THSD7B: variants seen among roughly 807,000 people sequenced by gnomAD.
THSD7B encodes thrombospondin type-1 domain-containing protein 7B.
THSD7B carries 138 observed loss-of-function variants against 213.6 expected under a neutral mutation model. That is an observed-to-expected ratio of 0.65 (90% CI 0.56 to 0.74). The LOEUF is 0.74. Among genes scored for constraint, THSD7B ranks in the 30% least tolerant of loss-of-function variants. The probability of loss-of-function intolerance (pLI) is 0.00; values close to 1 mark genes in which losing one functional copy is unlikely to be tolerated. For synonymous variants in THSD7B, 742 were observed against 687.0 expected (o/e 1.08, Z -1.25); for missense variants, 1,931 against 1,991.5 (o/e 0.97, Z 0.58).
At position 137,563,240 on chromosome 2, in the gene THSD7B, G is replaced by C; in HGVS notation, c.3158G>C (p.Cys1053Ser). Residue 1053 changes from cysteine to serine, a missense_variant, in exon 16 of 28, where the codon TGT (cysteine) becomes TCT (serine). Transcript: ENST00000409968. ...LKNQVHEAVP[C>S]YSECNQYSWV... Reference sequence around the variant, plus strand: ...TGACAGGTACATGAGGCAGTCCCATGTTACAGTGAGTGCAATCAGTATTCC... The same window carrying C: ...TGACAGGTACATGAGGCAGTCCCATCTTACAGTGAGTGCAATCAGTATTCC... 1 of 1,613,352 alleles carries C rather than the reference G, an allele frequency of 6.2e-7. No individual in the cohort carries two copies. Among genetic ancestry groups the C allele is most frequent in the Non-Finnish European group, 8.5e-7 (1 of 1,179,520 alleles).
intron 21 of THSD7B, among the ~76,000 whole-genome samples, chr2:137,650,543 G>A (rs868647802): frequency 4.6e-5 from 7 of 152,220 alleles, no homozygotes; most frequent in Admixed American, 1.3e-4. Flanking sequence ...CTAATTTGAC[G>A]TCTTCCTTTC....
At chr2:136,941,649 G>A (rs1398051758) in intron 2 of THSD7B, among the ~76,000 whole-genome samples, 1 of 152,098 alleles carries the variant, frequency 6.6e-6, no homozygotes, top group African/African-American at 2.4e-5. Flanking sequence ...CTGCATAAAT[G>A]TTTTCTTTTG....
At chr2:137,576,876 C>A (rs1449879925) in intron 17 of THSD7B, among the ~76,000 whole-genome samples, 1 of 149,170 alleles carries the variant, frequency 6.7e-6, no homozygotes, top group East Asian at 2.1e-4. Flanking sequence ...CCTGATGACT[C>A]AGTATTTTCA....
chr2:137,054,639 G>T (rs1449846494), intron 2 of THSD7B, among the ~76,000 whole-genome samples: 1 of 152,302 alleles, frequency 6.6e-6, no homozygotes, highest in Non-Finnish European at 1.5e-5. Context: ...ATCATTTGGG[G>T]AAGCTGGTCA....
At chr2:137,362,688 A>C (rs1054102852) in intron 12 of THSD7B, among the ~76,000 whole-genome samples, 33 of 152,336 alleles carry the variant, frequency 2.2e-4, no homozygotes, top group African/African-American at 7.9e-4. Flanking sequence ...TGAGCTAACT[A>C]TCCTAAATAT....
chr2:136,774,990 A>C (rs1681574121), intron 1 of THSD7B, among the ~76,000 whole-genome samples: 1 of 152,172 alleles, frequency 6.6e-6, no homozygotes, highest in Admixed American at 6.5e-5. Context: ...TGTCCGTGAC[A>C]TAGAGTAGAT....
chr2:137,432,981 A>G (rs1268110795), intron 14 of THSD7B, among the ~76,000 whole-genome samples: 3 of 152,188 alleles, frequency 2.0e-5, no homozygotes, highest in Non-Finnish European at 4.4e-5. Flanking sequence ...ACTCATTAAC[A>G]TAGGACATAT....
chr2:137,391,486 G>A (rs910002450), intron 12 of THSD7B, among the ~76,000 whole-genome samples: 4 of 151,898 alleles, frequency 2.6e-5, no homozygotes, highest in Non-Finnish European at 4.4e-5. Flanking sequence ...TCAGGGATTC[G>A]AGACCAGCCT....
At chr2:137,076,799 A>G (rs1419480069) in intron 3 of THSD7B, among the ~76,000 whole-genome samples, 3 of 151,936 alleles carry the variant, frequency 2.0e-5, no homozygotes, top group Admixed American at 2.0e-4. Flanking sequence ...ATTTACAGAT[A>G]CAGTATATTG....
chr2:137,533,993 C>T (rs1283477983), intron 15 of THSD7B, among the ~76,000 whole-genome samples: 4 of 142,714 alleles, frequency 2.8e-5, no homozygotes, highest in Non-Finnish European at 4.5e-5. Flanking sequence ...ACTGCCCGTG[C>T]ACATGTATGT....
chr2:136,878,007 G>C (rs1000058337), intron 1 of THSD7B, among the ~76,000 whole-genome samples: 2 of 151,956 alleles, frequency 1.3e-5, no homozygotes, highest in Non-Finnish European at 2.9e-5. Context: ...TGCCATGATG[G>C]TGTGCTGCAC....
chr2:137,453,704 A>C (rs919946487), intron 15 of THSD7B, among the ~76,000 whole-genome samples: 15 of 152,234 alleles, frequency 9.9e-5, no homozygotes, highest in African/African-American at 3.6e-4. Context: ...TATGCAATAT[A>C]TCTCAATTGA....
intron 21 of THSD7B, among the ~76,000 whole-genome samples, chr2:137,653,752 A>G (rs949259274): frequency 2.0e-5 from 3 of 151,150 alleles, no homozygotes; most frequent in African/African-American, 7.3e-5. Flanking sequence ...TAGTTGTTTC[A>G]ATATTTCTAT....
At chr2:137,103,932 T>A (rs1480430301) in intron 4 of THSD7B, among the ~76,000 whole-genome samples, 1 of 152,062 alleles carries the variant, frequency 6.6e-6, no homozygotes, top group African/African-American at 2.4e-5. Flanking sequence ...CACACAATAA[T>A]AGTGGGAGAC....
At chr2:137,583,431 G>T (rs1412395255) in intron 17 of THSD7B, among the ~76,000 whole-genome samples, 2 of 152,114 alleles carry the variant, frequency 1.3e-5, no homozygotes, top group East Asian at 1.9e-4. Context: ...TGTCCTGAAT[G>T]GTATTGCCTA....
At position 137,003,215 on chromosome 2, in the gene THSD7B, CAT is replaced by C. The variant is rs1466382162; in HGVS notation, c.140-53201_140-53200del. On this transcript the variant is annotated intron_variant, in intron 2 of 27. Transcript: ENST00000409968. ...CACATGGCTTTTAAAAAATGTATGA[CAT>C]ATAAAACTCAGAGGCATATTTTGAT... Among the ~76,000 whole-genome samples the C allele has an allele frequency of 3.9e-5, 6 of 152,276 alleles. No homozygotes were observed. The South Asian group carries it at 1.0e-3, about 26-fold the overall frequency.
intron 26 of THSD7B, 81 bp downstream of exon 26, chr2:137,663,656 T>C (rs1683394711): frequency 1.6e-6 from 2 of 1,276,524 alleles, no homozygotes; most frequent in South Asian, 1.5e-5. Context: ...ATGGAAAGAA[T>C]GGAGGGAAGG....
chr2:137,590,320 T>G (rs1026543867), intron 17 of THSD7B, among the ~76,000 whole-genome samples: 10 of 152,208 alleles, frequency 6.6e-5, no homozygotes, highest in African/African-American at 2.2e-4. Flanking sequence ...GATGGTCATT[T>G]TATGAGCTAG....
intron 26 of THSD7B, among the ~76,000 whole-genome samples, chr2:137,665,345 CATATGTGTGAGT>C (rs1374731450): frequency 6.6e-6 from 1 of 152,042 alleles, no homozygotes; most frequent in East Asian, 1.9e-4. Context: ...ACAGCAATAT[CATATGTGTGAGT>C]ATATGTGTGT....
Sources: allele counts gnomAD v4.1 joint callset (sites outside exome capture counted in the v4.1 genomes callset), GRCh38; gene constraint gnomAD v4.1.1; transcripts MANE v1.5; gene names NCBI Gene and HGNC (gene_info 2026-07-23, HGNC 2026-07-21).